The following RBL2 variants were observed in gnomAD, a reference collection of about 807,000 sequenced individuals.
The protein encoded by RBL2 is retinoblastoma-like protein 2.
In RBL2, 56 loss-of-function variants were observed where a neutral mutation model predicts 126.0. The observed-to-expected ratio is 0.44, with a 90% CI of 0.36 to 0.56. The LOEUF is 0.56. Among genes scored for constraint, RBL2 ranks in the 20% least tolerant of loss-of-function variants. The pLI is 0.00. For synonymous variants in RBL2, 454 were observed against 478.5 expected (o/e 0.95, Z 0.67); for missense variants, 1,229 against 1,398.2 (o/e 0.88, Z 1.93).
rs1961392312 is a variant in RBL2 at position 53,490,765 on chromosome 16, G to A, written c.*465G>A. ...ACCTGGTAGGAGTGTGTGATTTTTTGCATTCCTGACAAAGGAGAGCACACC... is the reference window on the plus strand; with the variant it reads ...ACCTGGTAGGAGTGTGTGATTTTTTACATTCCTGACAAAGGAGAGCACACC... On this transcript the variant is annotated 3_prime_UTR_variant, in exon 22 of 22. Coordinates refer to ENST00000262133, the MANE Select transcript of RBL2 (RefSeq NM_005611.4). 1 of 149,512 alleles carries A rather than the reference G, an allele frequency of 6.7e-6. No individual in the cohort carries two copies. The highest frequency in any genetic ancestry group is 1.5e-5 in the Non-Finnish European group (1 of 67,216). 9.3% of individuals were successfully genotyped at this position (149,512 alleles called of 1,614,324 possible).
In RBL2 at chr16:53,469,799, T is replaced by G. The variant is rs2058303691; in HGVS notation, c.1976-117T>G. The stretch of plus-strand genomic sequence containing the variant: ...ATGACTTCTGTAATTCTTGTTTGCT[T>G]TTTGAATTATGAAGTATTTCAAACA... On this transcript the variant is annotated intron_variant, in intron 14 of 21. Coordinates refer to ENST00000262133, the MANE Select transcript of RBL2 (RefSeq NM_005611.4). 7.4e-6 allele frequency: 9 copies of G among 1,220,526 alleles called. No individual in the cohort carries two copies. The South Asian group carries it at 1.2e-4, about 16-fold the overall frequency. 75.6% of individuals were successfully genotyped at this position (1,220,526 alleles called of 1,614,324 possible). A position where few individuals can be genotyped will look rare whatever the true frequency, so the allele number is the denominator to read the frequency against.
At chr16:53,461,687 C>T in intron 9 of RBL2, 54 bp from the exon 10 acceptor site, 6 of 1,248,376 alleles carry the variant, frequency 4.8e-6, no homozygotes, top group South Asian at 4.4e-5. Flanking sequence ...CATTTTATCC[C>T]CTTGTGACTT....
intron 20 of RBL2, 129 bp downstream of exon 20, chr16:53,480,898 C>G: frequency 1.1e-6 from 1 of 870,530 alleles, no homozygotes; most frequent in Non-Finnish European, 1.7e-6. Context: ...GTGGCTCACA[C>G]CTGTAATCCC....
Position 53,437,828 on chromosome 16 carries a change from C to T in RBL2, c.241-1188C>T, listed in dbSNP as rs113687383. On this transcript the variant is annotated intron_variant, in intron 1 of 21. Coordinates refer to ENST00000262133, the MANE Select transcript of RBL2 (RefSeq NM_005611.4). ...GAGTCACGAGGTCAGGAGATCAAGACCATCCTGGCTAACACATTGAAACCC... is the reference window on the plus strand; with the variant it reads ...GAGTCACGAGGTCAGGAGATCAAGATCATCCTGGCTAACACATTGAAACCC... Among the ~76,000 whole-genome samples, 982 of 151,890 alleles carry T rather than the reference C, an allele frequency of 6.5e-3. 9 individuals are homozygous for T. The highest frequency in any genetic ancestry group is 0.022 in the African/African-American group (913 of 41,386).
chr16:53,456,308 A>C (rs1342642009), intron 8 of RBL2, among the ~76,000 whole-genome samples: 1 of 152,182 alleles, frequency 6.6e-6, no homozygotes, highest in Non-Finnish European at 1.5e-5. Flanking sequence ...AGCCATTAAG[A>C]GGGTTATTAA....
chr16:53,484,234 A>C (rs1253813119), intron 21 of RBL2, among the ~76,000 whole-genome samples: 1 of 152,244 alleles, frequency 6.6e-6, no homozygotes, highest in African/African-American at 2.4e-5. Flanking sequence ...AAATGGATTA[A>C]CAGAGTTAAA....
At chr16:53,477,402 A>G (rs1270191451) in intron 17 of RBL2, among the ~76,000 whole-genome samples, 3 of 152,016 alleles carry the variant, frequency 2.0e-5, no homozygotes, top group Admixed American at 2.0e-4. Flanking sequence ...CAGCGGTGCA[A>G]TCTCAACTCA....
In RBL2 at chr16:53,464,213, CTT is replaced by C; in HGVS notation, c.1561-11_1561-10del. ...AAGTAAATGTTTCTAATGCTAATAA[CTT>C]TATTTTATAGGGTATTCTGGAACAA... On this transcript the variant is annotated splice_polypyrimidine_tract_variant and intron_variant, in intron 11 of 21. Coordinates refer to ENST00000262133, the MANE Select transcript of RBL2 (RefSeq NM_005611.4). 1.3e-6 allele frequency: 2 copies of C among 1,532,530 alleles called. No individual in the cohort carries two copies. Among genetic ancestry groups the C allele is most frequent in the Non-Finnish European group, 1.8e-6 (2 of 1,138,284 alleles). 94.9% of individuals were successfully genotyped at this position (1,532,530 alleles called of 1,614,324 possible). A position where few individuals can be genotyped will look rare whatever the true frequency, so the allele number is the denominator to read the frequency against.
chr16:53,480,698 C>T lies in RBL2; in HGVS notation c.3013C>T (p.Leu1005Phe). The change falls in exon 20 of 22, where the codon CTC (leucine) becomes TTC (phenylalanine). Residue 1005 changes from leucine (L) to phenylalanine (F), a missense_variant. Coordinates refer to ENST00000262133, the MANE Select transcript of RBL2 (RefSeq NM_005611.4). The part of the protein sequence containing the change: ...SDMEEEERGD[L>F]IQFYNNIYIK... ...CATGGAAGAAGAGGAGAGGGGAGACCTCATTCAGTTCTACAACAACATCTA... is the reference window on the plus strand; with the variant it reads ...CATGGAAGAAGAGGAGAGGGGAGACTTCATTCAGTTCTACAACAACATCTA... 2.5e-6 allele frequency: 4 copies of T among 1,613,758 alleles called. No individual in the cohort carries two copies. Among genetic ancestry groups the T allele is most frequent in the Middle Eastern group, 1.7e-4 (1 of 5,798 alleles).
chr16:53,440,107 C>T (rs1304017801), intron 2 of RBL2, among the ~76,000 whole-genome samples: 1 of 151,986 alleles, frequency 6.6e-6, no homozygotes, highest in South Asian at 2.1e-4. Context: ...ATCAGCCTGG[C>T]CAATATGGTG....
At chr16:53,464,459 A>G in intron 12 of RBL2, 96 bp downstream of exon 12, 1 of 1,082,104 alleles carries the variant, frequency 9.2e-7, no homozygotes, top group African/African-American at 1.6e-5. Flanking sequence ...AAGAACATTT[A>G]TTCTGTTTTT....
rs1025338750 is a variant in RBL2, at chr16:53,490,885, C to G, written c.*585C>G. Reference sequence around the variant, plus strand: ...TTCGGTGTGGTGCAGTGTGAAAAGTCCTTGATTGTTCGGGTGTGCAATGTC... The same window carrying G: ...TTCGGTGTGGTGCAGTGTGAAAAGTGCTTGATTGTTCGGGTGTGCAATGTC... On this transcript the variant is annotated 3_prime_UTR_variant, in exon 22 of 22. Coordinates refer to ENST00000262133, the MANE Select transcript of RBL2 (RefSeq NM_005611.4). 1 of 152,502 alleles carries G rather than the reference C, an allele frequency of 6.6e-6. No individual in the cohort carries two copies. Among genetic ancestry groups the G allele is most frequent in the African/African-American group, 2.4e-5 (1 of 41,380 alleles). 9.4% of individuals were successfully genotyped at this position (152,502 alleles called of 1,614,324 possible). A position where few individuals can be genotyped will look rare whatever the true frequency, so the allele number is the denominator to read the frequency against.
At position 53,444,175 on chromosome 16, in the gene RBL2, G is replaced by A. The variant is rs538912022; in HGVS notation, c.572+1317G>A. Among the ~76,000 whole-genome samples, 7 of 151,962 alleles carry A rather than the reference G, an allele frequency of 4.6e-5. No individual in the cohort carries two copies. In the East Asian group the frequency reaches 1.4e-3, roughly 30 times the overall value. On this transcript the variant is annotated intron_variant, in intron 3 of 21. Coordinates refer to ENST00000262133, the MANE Select transcript of RBL2 (RefSeq NM_005611.4). ...GAGTCAGTAGAATCCCTTGAACCGA[G>A]AGGCAGAAGTTGTGAGCCAAGATCG...
intron 2 of RBL2, among the ~76,000 whole-genome samples, chr16:53,440,688 G>C (rs1404161122): frequency 6.6e-6 from 1 of 152,040 alleles, no homozygotes; most frequent in Non-Finnish European, 1.5e-5. Context: ...CAAGTAGCTG[G>C]GATTACAGAT....
intron 2 of RBL2, 152 bp downstream of exon 2, chr16:53,439,298 C>T (rs1335625525): frequency 1.7e-6 from 1 of 596,936 alleles, no homozygotes; most frequent in South Asian, 5.3e-5. Context: ...TAATGATTTT[C>T]CTTTCTTTAT....
At chr16:53,454,943 G>C (rs1048821420) in intron 8 of RBL2, 101 bp downstream of exon 8, 8 of 976,954 alleles carry the variant, frequency 8.2e-6, no homozygotes, top group Non-Finnish European at 1.1e-5. Flanking sequence ...CTTGCCTACA[G>C]TATGAAGGAG....
intron 17 of RBL2, among the ~76,000 whole-genome samples, chr16:53,471,946 G>C (rs1196085534): frequency 1.3e-5 from 2 of 152,100 alleles, no homozygotes; most frequent in Non-Finnish European, 2.9e-5. Context: ...ACAGCACCTG[G>C]CAACCAGCAG....
At position 53,447,751 on chromosome 16, in the gene RBL2, TC is replaced by T. The variant is rs548648845; in HGVS notation, c.637+646del. Among the ~76,000 whole-genome samples the T allele has an allele frequency of 4.5e-3, 687 of 151,970 alleles. 2 individuals are homozygous for T. The highest frequency in any genetic ancestry group is 0.016 in the African/African-American group (666 of 41,400). The stretch of plus-strand genomic sequence containing the variant: ...CCTACACCTCCCAGGTTCAAGTAAT[TC>T]TCCTGCCTCAGCCTCCCGAATAGCC... On this transcript the variant is annotated intron_variant, in intron 4 of 21. Coordinates refer to ENST00000262133, the MANE Select transcript of RBL2 (RefSeq NM_005611.4).
At chr16:53,476,160 A>G (rs763084147) in intron 17 of RBL2, among the ~76,000 whole-genome samples, 1 of 151,486 alleles carries the variant, frequency 6.6e-6, no homozygotes, top group African/African-American at 2.4e-5. Context: ...ACAACTCTAA[A>G]TTTTCCTCCG....
Sources: gnomAD v4.1 joint callset for allele counts (sites outside exome capture counted in the v4.1 genomes callset) on GRCh38, gnomAD v4.1.1 for gene constraint, MANE v1.5 for transcripts, NCBI Gene and HGNC (gene_info 2026-07-23, HGNC 2026-07-21) for gene names.